Variants in ODAD4 observed in about 807,000 individuals in gnomAD.
The protein encoded by ODAD4 is outer dynein arm-docking complex subunit 4.
ODAD4 carries 49 observed loss-of-function variants against 51.8 expected under a neutral mutation model. The ratio of observed to expected loss-of-function variants is 0.95; its 90% CI spans 0.75 to 1.20. ODAD4 has a LOEUF of 1.20. Ranked by LOEUF, ODAD4 falls within the 50% of genes most tolerant of loss-of-function variation. ODAD4 has a pLI of 0.00. For synonymous variants in ODAD4, 235 were observed against 221.3 expected, an observed-to-expected ratio of 1.06 and a Z score of -0.55; for missense variants, 590 against 586.5, an observed-to-expected ratio of 1.01 and a Z score of -0.06.
chr17:41,945,798 G>A (rs1365516142), intron 8 of ODAD4, among the ~76,000 whole-genome samples: 6 of 152,324 alleles, frequency 3.9e-5, no homozygotes, highest in Non-Finnish European at 7.3e-5. Context: ...CTGCTCGGGA[G>A]GCTGAGGCAG....
chr17:41,944,989 A>G, intron 7 of ODAD4, 147 bp from the exon 8 acceptor site: 1 of 621,128 alleles, frequency 1.6e-6, no homozygotes, highest in Admixed American at 3.0e-5. Flanking sequence ...CAGATGTGCC[A>G]CATCCTTGCT....
At chr17:41,956,483 G>A (rs1269385271) in intron 10 of ODAD4, among the ~76,000 whole-genome samples, 3 of 80,732 alleles carry the variant, frequency 3.7e-5, no homozygotes, top group Non-Finnish European at 8.2e-5. Flanking sequence ...ACCATGCCCG[G>A]CCTTTTTTTT....
In ODAD4 at chr17:41,965,255, C is replaced by A. The variant is rs782404960; in HGVS notation, c.1791C>A (p.Gly597=). 1.5e-5 allele frequency: 12 copies of A among 777,540 alleles called. 1 individual carries two copies. The South Asian group carries it at 1.6e-4, about 11-fold the overall frequency. The allele number at this position is 777,540 out of a possible 1,614,324, so 48.2% of individuals were successfully genotyped here. ...GELGTRSGET[G]RKLLEAGRRE... Reference sequence around the variant, plus strand: ...TAGGCACAAGATCAGGAGAAACAGGCAGGAAGCTACTAGAAGCTGGCAGAA... The same window carrying A: ...TAGGCACAAGATCAGGAGAAACAGGAAGGAAGCTACTAGAAGCTGGCAGAA... The change falls in exon 12 of 12, where the codon GGC becomes GGA. Residue 597 remains glycine (G), a synonymous_variant. Coordinates refer to ENST00000377540, the MANE Select transcript of ODAD4 (RefSeq NM_031421.5).
At chr17:41,950,778 G>A (rs2050641507) in intron 9 of ODAD4, among the ~76,000 whole-genome samples, 1 of 151,416 alleles carries the variant, frequency 6.6e-6, no homozygotes, top group Admixed American at 6.6e-5. Flanking sequence ...ACACAATCTC[G>A]GCTCACTGCA....
chr17:41,947,858 G>A (rs1310695465), intron 8 of ODAD4, among the ~76,000 whole-genome samples: 2 of 151,794 alleles, frequency 1.3e-5, no homozygotes, highest in African/African-American at 2.4e-5. Context: ...GGTGGCTCAC[G>A]CCTGTAATCC....
In ODAD4 at chr17:41,930,701, T is replaced by C. The variant is rs2050313044; in HGVS notation, c.-23T>C. Reference sequence around the variant, plus strand: ...AGCTTTTCTTTGATTGTCTCTGCTTTAGCGTCTCTAAATCCGGTCACCATG... The same window carrying C: ...AGCTTTTCTTTGATTGTCTCTGCTTCAGCGTCTCTAAATCCGGTCACCATG... On this transcript the variant is annotated 5_prime_UTR_variant, in exon 1 of 12. Transcript: ENST00000377540. The C allele has an allele frequency of 1.4e-6, 2 of 1,475,100 alleles. No homozygotes were observed. Among genetic ancestry groups the C allele is most frequent in the Non-Finnish European group, 1.9e-6 (2 of 1,062,366 alleles). The allele number at this position is 1,475,100 out of a possible 1,614,324, so 91.4% of individuals were successfully genotyped here.
At chr17:41,937,074 TGAG>T (rs1334948195) in intron 5 of ODAD4, 147 bp downstream of exon 5, 6 of 936,144 alleles carry the variant, frequency 6.4e-6, no homozygotes, top group Non-Finnish European at 8.1e-6. Flanking sequence ...ATTTTACAGA[TGAG>T]GAAACTGAGG....
At chr17:41,939,579 GAT>G (rs1449770218) in intron 7 of ODAD4, among the ~76,000 whole-genome samples, 1 of 152,214 alleles carries the variant, frequency 6.6e-6, no homozygotes, top group Non-Finnish European at 1.5e-5. Flanking sequence ...TTGCAATTGT[GAT>G]AAGTGCCATG....
At position 41,938,785 on chromosome 17, in the gene ODAD4, G is replaced by A. The variant is rs2047782286; in HGVS notation, c.850+4G>A. The stretch of plus-strand genomic sequence containing the variant: ...AGCCTGGAGGACATTGATATGTGTA[G>A]GTGTTGTTCTCAGAGGGTGGGGCAG... On this transcript the variant is annotated splice_donor_region_variant and intron_variant, in intron 6 of 11. Transcript: ENST00000377540. 1.9e-6 allele frequency: 3 copies of A among 1,612,058 alleles called. No individual in the cohort carries two copies. Among genetic ancestry groups the A allele is most frequent in the African/African-American group, 1.3e-5 (1 of 74,904 alleles).
intron 10 of ODAD4, 122 bp downstream of exon 10, chr17:41,955,439 T>C: frequency 1.6e-6 from 1 of 619,658 alleles, no homozygotes; most frequent in Non-Finnish European, 2.9e-6. Context: ...GTTTGTTTAT[T>C]TGTTTTGAGA....
chr17:41,954,965 C>T (rs558649257), intron 9 of ODAD4: 24 of 586,384 alleles, frequency 4.1e-5, no homozygotes, highest in South Asian at 3.7e-4. Flanking sequence ...ACCACAGTCC[C>T]CTTCTCTCAC....
chr17:41,949,176 C>T lies in ODAD4; in HGVS notation c.1169C>T (p.Ala390Val). The change falls in exon 9 of 12, where the codon GCA becomes GTA. Residue 390 changes from alanine (A) to valine (V), a missense_variant. This residue lies in a region of ODAD4 where 226 missense variants were observed against 162.7 expected (regional missense o/e 1.39). Transcript: ENST00000377540. Reference sequence around the variant, plus strand: ...AGGTGGGAAGAAAAGATCCCTCTGGCAAAAACCACCCTGGAGAAGACCTGG... The same window carrying T: ...AGGTGGGAAGAAAAGATCCCTCTGGTAAAAACCACCCTGGAGAAGACCTGG... The part of the protein sequence containing the change: ...IDTWEEKIPL[A>V]KTTLEKTWLF... 2.5e-6 allele frequency: 1 copy of T among 398,554 alleles called. No homozygotes were observed. Among genetic ancestry groups the T allele is most frequent in the African/African-American group, 2.1e-5 (1 of 48,740 alleles). 24.7% of individuals were successfully genotyped at this position (398,554 alleles called of 1,614,324 possible).
rs1482105752 is a variant in ODAD4 at position 41,965,687 on chromosome 17, C to G, written c.*204C>G. 2 of 533,722 alleles carry G rather than the reference C, an allele frequency of 3.7e-6. No homozygotes were observed. Among genetic ancestry groups the G allele is most frequent in the South Asian group, 2.4e-5 (1 of 42,238 alleles). The allele number at this position is 533,722 out of a possible 1,614,324, so 33.1% of individuals were successfully genotyped here. On this transcript the variant is annotated 3_prime_UTR_variant, in exon 12 of 12. Transcript: ENST00000377540. ...GTCACTTTGCCTCTTCACCCCTGCC[C>G]ATTCTTGGAAGAGCATCGTGGAAGA...
intron 3 of ODAD4, 58 bp from the exon 4 acceptor site, chr17:41,936,415 G>A (rs1459002532): frequency 7.9e-7 from 1 of 1,258,260 alleles, no homozygotes; most frequent in Non-Finnish European, 1.2e-6. Context: ...ATAAAAATAT[G>A]TGATAAGTCA....
At chr17:41,935,125 C>G in intron 1 of ODAD4, 92 bp from the exon 2 acceptor site, 2 of 1,452,232 alleles carry the variant, frequency 1.4e-6, no homozygotes, top group Non-Finnish European at 1.9e-6. Flanking sequence ...CTGAAGAAAT[C>G]CCCTCTGCAG....
intron 8 of ODAD4, among the ~76,000 whole-genome samples, chr17:41,945,758 G>A (rs185040873): frequency 3.4e-4 from 52 of 152,070 alleles, no homozygotes; most frequent in African/African-American, 1.1e-3. Flanking sequence ...AAAATTAGCC[G>A]AACACGTTGG....
At chr17:41,935,178 C>T (rs2050406581) in intron 1 of ODAD4, 39 bp from the exon 2 acceptor site, 1 of 1,612,700 alleles carries the variant, frequency 6.2e-7, no homozygotes, top group Non-Finnish European at 8.5e-7. Context: ...CTACCTTGCT[C>T]TTCATGCTGG....
At position 41,949,799 on chromosome 17, in the gene ODAD4, A is replaced by G. The variant is rs1040097306; in HGVS notation, c.1342+450A>G. Among the ~76,000 whole-genome samples the G allele has an allele frequency of 3.8e-3, 585 of 151,958 alleles. 3 individuals are homozygous for G. The highest frequency in any genetic ancestry group is 0.013 in the African/African-American group (544 of 41,422). ...GTGATTCTTCTGCTTCAGGCTCCCA[A>G]GTAGCTGGGATTACAGGCGTCTGCC... On this transcript the variant is annotated intron_variant, in intron 9 of 11. Coordinates refer to ENST00000377540, the MANE Select transcript of ODAD4 (RefSeq NM_031421.5).
chr17:41,951,483 A>G (rs1488941914), intron 9 of ODAD4, among the ~76,000 whole-genome samples: 4 of 151,546 alleles, frequency 2.6e-5, no homozygotes, highest in Non-Finnish European at 5.9e-5. Context: ...TCTGTTGCCC[A>G]GTCTGGAATG....
Sources: allele counts gnomAD v4.1 joint callset (sites outside exome capture counted in the v4.1 genomes callset), GRCh38; gene constraint gnomAD v4.1.1; regional missense constraint gnomAD v4.1.1; transcripts MANE v1.5; gene names NCBI Gene and HGNC (gene_info 2026-07-23, HGNC 2026-07-21).